The following NAB1 variants were observed in gnomAD, a reference collection of about 807,000 sequenced individuals.
NAB1 encodes NGFI-A binding protein 1.
NAB1 carries 25 observed loss-of-function variants against 49.9 expected under a neutral mutation model. The observed-to-expected ratio is 0.50, with a 90% confidence interval of 0.37 to 0.70. The LOEUF (loss-of-function observed/expected upper bound fraction) is 0.70. Ranked by LOEUF, NAB1 falls within the 30% of genes least tolerant of loss-of-function variation. The probability of loss-of-function intolerance (pLI) is 0.00; values close to 1 mark genes in which losing one functional copy is unlikely to be tolerated. For missense variants in NAB1, 489 were observed against 575.9 expected, an observed-to-expected ratio of 0.85 and a Z score of 1.54; for synonymous variants, 198 against 215.6, an observed-to-expected ratio of 0.92 and a Z score of 0.71.
Position 190,669,135 on chromosome 2 carries a change from A to G in NAB1, c.820-1191A>G, listed in dbSNP as rs920049369. Among the ~76,000 whole-genome samples the G allele has an allele frequency of 2.6e-5, 4 of 152,116 alleles. No homozygotes were observed. The highest frequency in any genetic ancestry group is 4.8e-5 in the African/African-American group (2 of 41,384). On this transcript the variant is annotated intron_variant, in intron 4 of 9. Coordinates refer to ENST00000337386, the MANE Select transcript of NAB1 (RefSeq NM_005966.4). The surrounding 1 kb of genome is among the most constrained non-coding windows in gnomAD (Gnocchi z 4.3). ...AGTATAGACAGTGTAGATACACTGGACAAAGGGATGATTCATCACTTGGAT... is the reference window on the plus strand; with the variant it reads ...AGTATAGACAGTGTAGATACACTGGGCAAAGGGATGATTCATCACTTGGAT...
chr2:190,690,216 C>A, intron 9 of NAB1, 29 bp from the exon 10 acceptor site: 1 of 1,462,146 alleles, frequency 6.8e-7, no homozygotes, highest in South Asian at 1.1e-5. Context: ...ATTAAAATAT[C>A]AACTCACTTT....
chr2:190,659,441 C>T lies in NAB1; in HGVS notation c.265C>T (p.Leu89Phe), dbSNP rs1219781070. Residue 89 changes from leucine (L) to phenylalanine (F), a missense_variant, in exon 4 of 10, where the codon CTT (leucine) becomes TTT (phenylalanine). Leu to Phe is a conservative substitution (Grantham distance 22). Coordinates refer to ENST00000337386, the MANE Select transcript of NAB1 (RefSeq NM_005966.4). This position sits in a 1 kb window ranked among gnomAD's most constrained non-coding sequence, Gnocchi z 6.2. ...GCTTTTCAATCAGCCACTGACTTCC[C>T]TTCCTGTCAGTAGCATACCCATCTA... is the stretch of plus-strand genomic sequence containing the variant. ...PGLFNQPLTS[L>F]PVSSIPIYKL... 5 of 1,614,188 alleles carry T rather than the reference C, an allele frequency of 3.1e-6. No individual in the cohort carries two copies. Among genetic ancestry groups the T allele is most frequent in the Admixed American group, 3.3e-5 (2 of 60,030 alleles).
intron 2 of NAB1, among the ~76,000 whole-genome samples, chr2:190,653,287 TTTCA>T (rs760503431): frequency 6.4e-4 from 98 of 152,324 alleles, no homozygotes; most frequent in African/African-American, 2.2e-3. Context: ...CATCTCAATC[TTTCA>T]TTAATGTGCA....
In NAB1 at chr2:190,663,228, C is replaced by G. The variant is rs541669917; in HGVS notation, c.819+3233C>G. ...GTAAGTTACATTTTTCTAAGAATATCCATTTCATCTGAGTTTTCAAACTTA... is the reference window on the plus strand; with the variant it reads ...GTAAGTTACATTTTTCTAAGAATATGCATTTCATCTGAGTTTTCAAACTTA... On this transcript the variant is annotated intron_variant, in intron 4 of 9. Transcript: ENST00000337386. This position sits in a 1 kb window ranked among gnomAD's most constrained non-coding sequence, Gnocchi z 4.2. 6.6e-6 allele frequency among the ~76,000 whole-genome samples: 1 copy of G among 152,238 alleles called. No individual in the cohort carries two copies. Among genetic ancestry groups the G allele is most frequent in the South Asian group, 2.1e-4 (1 of 4,824 alleles).
chr2:190,659,136 CTT>C lies in NAB1; in HGVS notation c.-19-7_-19-6del, dbSNP rs369860117. 9,268 of 1,152,294 alleles carry C rather than the reference CTT, an allele frequency of 8.0e-3. No homozygotes were observed. The highest frequency in any genetic ancestry group is 0.01 in the South Asian group (607 of 58,104). The allele number at this position is 1,152,294 out of a possible 1,614,324, so 71.4% of individuals were successfully genotyped here. On this transcript the variant is annotated intron_variant, in intron 3 of 9. Transcript: ENST00000337386. This position sits in a 1 kb window ranked among gnomAD's most constrained non-coding sequence, Gnocchi z 6.2. ...TTGAAGCAAGTATGATGAGTTTTTA[CTT>C]TTTTTTTTTTTTTTGGCAGGTTAAA...
At position 190,657,148 on chromosome 2, in the gene NAB1, T is replaced by G. The variant is rs952185695; in HGVS notation, c.-20+995T>G. Reference sequence around the variant, plus strand: ...ACCTCCAACACTTTATAGCAGCCCTTCTATTTGGTATAGTGTAGTTTAATA... The same window carrying G: ...ACCTCCAACACTTTATAGCAGCCCTGCTATTTGGTATAGTGTAGTTTAATA... On this transcript the variant is annotated intron_variant, in intron 3 of 9. Coordinates refer to ENST00000337386, the MANE Select transcript of NAB1 (RefSeq NM_005966.4). The surrounding 1 kb of genome is among the most constrained non-coding windows in gnomAD (Gnocchi z 4.4). Among the ~76,000 whole-genome samples, 1 of 152,200 alleles carries G rather than the reference T, an allele frequency of 6.6e-6. No homozygotes were observed. Among genetic ancestry groups the G allele is most frequent in the African/African-American group, 2.4e-5 (1 of 41,450 alleles).
rs1033304599 is a variant in NAB1, at chr2:190,652,086, C to T, written c.-197+2104C>T. Among the ~76,000 whole-genome samples the T allele has an allele frequency of 4.6e-5, 7 of 152,180 alleles. No individual in the cohort carries two copies. The highest frequency in any genetic ancestry group is 1.0e-4 in the Non-Finnish European group (7 of 68,036). ...ATAACTCATACAACAGTAGAATATACTCCTTAAACTTAATAATGGAGCAAG... is the reference window on the plus strand; with the variant it reads ...ATAACTCATACAACAGTAGAATATATTCCTTAAACTTAATAATGGAGCAAG... On this transcript the variant is annotated intron_variant, in intron 2 of 9. Transcript: ENST00000337386. The surrounding 1 kb of genome is among the most constrained non-coding windows in gnomAD (Gnocchi z 4.2).
In NAB1 at chr2:190,652,571, T is replaced by C. The variant is rs567682050; in HGVS notation, c.-197+2589T>C. 7.9e-5 allele frequency among the ~76,000 whole-genome samples: 12 copies of C among 152,360 alleles called. No homozygotes were observed. The East Asian group carries it at 2.3e-3, about 29-fold the overall frequency. On this transcript the variant is annotated intron_variant, in intron 2 of 9. Transcript: ENST00000337386. The surrounding 1 kb of genome is among the most constrained non-coding windows in gnomAD (Gnocchi z 4.2). ...GGTGTCTCTAAAATTTTTTTCCAGC[T>C]TCATTCATTCCATTCAGAATTTAGA...
Position 190,683,524 on chromosome 2 carries a change from A to G in NAB1, c.1006-214A>G, listed in dbSNP as rs141453433. 3.0e-3 allele frequency among the ~76,000 whole-genome samples: 458 copies of G among 151,810 alleles called. 4 individuals are homozygous for G. Among genetic ancestry groups the G allele is most frequent in the African/African-American group, 0.01 (431 of 41,376 alleles). ...AGTGTAAAACAATAGGAATGATGACATTTTTCATCTTATTTATGTTTCTAC... is the reference window on the plus strand; with the variant it reads ...AGTGTAAAACAATAGGAATGATGACGTTTTTCATCTTATTTATGTTTCTAC... On this transcript the variant is annotated intron_variant, in intron 6 of 9. Coordinates refer to ENST00000337386, the MANE Select transcript of NAB1 (RefSeq NM_005966.4).
chr2:190,651,466 A>G lies in NAB1; in HGVS notation c.-197+1484A>G, dbSNP rs549542520. ...ATGCTTCTTTGAAAGAAGAAATTATAAACTGGGGGACATCTTTGATGAATT... is the reference window on the plus strand; with the variant it reads ...ATGCTTCTTTGAAAGAAGAAATTATGAACTGGGGGACATCTTTGATGAATT... On this transcript the variant is annotated intron_variant, in intron 2 of 9. Coordinates refer to ENST00000337386, the MANE Select transcript of NAB1 (RefSeq NM_005966.4). This position sits in a 1 kb window ranked among gnomAD's most constrained non-coding sequence, Gnocchi z 4.3. 1.5e-3 allele frequency among the ~76,000 whole-genome samples: 222 copies of G among 152,340 alleles called. 1 individual carries two copies. Among genetic ancestry groups the G allele is most frequent in the African/African-American group, 5.1e-3 (210 of 41,572 alleles).
chr2:190,664,110 T>C (rs143696536), intron 4 of NAB1, among the ~76,000 whole-genome samples: 1 of 152,310 alleles, frequency 6.6e-6, no homozygotes, highest in African/African-American at 2.4e-5. Context: ...AACAAGCTTA[T>C]TAATTCTGTC....
chr2:190,680,317 C>T lies in NAB1; in HGVS notation c.1006-3421C>T, dbSNP rs1695271187. Among the ~76,000 whole-genome samples, 1 of 152,220 alleles carries T rather than the reference C, an allele frequency of 6.6e-6. No individual in the cohort carries two copies. The highest frequency in any genetic ancestry group is 1.5e-5 in the Non-Finnish European group (1 of 68,036). On this transcript the variant is annotated intron_variant, in intron 6 of 9. Transcript: ENST00000337386. This position sits in a 1 kb window ranked among gnomAD's most constrained non-coding sequence, Gnocchi z 5.2. ...AATCTGGCCCTGTGTTTCCACCTTCCCTCACCACTCCCTCTTTTTCAGTGT... is the reference window on the plus strand; with the variant it reads ...AATCTGGCCCTGTGTTTCCACCTTCTCTCACCACTCCCTCTTTTTCAGTGT...
At chr2:190,687,056 GT>G (rs1404249850) in intron 8 of NAB1, 144 bp from the exon 9 acceptor site, 5 of 432,596 alleles carry the variant, frequency 1.2e-5, no homozygotes, top group East Asian at 3.8e-5. Context: ...TATTTAAAAT[GT>G]TTTTTCCAAG....
chr2:190,660,714 G>A (rs894162611), intron 4 of NAB1, among the ~76,000 whole-genome samples: 1 of 152,098 alleles, frequency 6.6e-6, no homozygotes, highest in Non-Finnish European at 1.5e-5. Flanking sequence ...CCTTCAAGTA[G>A]AATGACCGTT....
At chr2:190,653,260 T>G (rs564990134) in intron 2 of NAB1, among the ~76,000 whole-genome samples, 1 of 152,220 alleles carries the variant, frequency 6.6e-6, no homozygotes, top group Admixed American at 6.5e-5. Context: ...TTTCCTATTT[T>G]CATTGTCCCC....
At position 190,690,365 on chromosome 2, in the gene NAB1, G is replaced by A. The variant is rs1416291045; in HGVS notation, c.*32G>A. On this transcript the variant is annotated 3_prime_UTR_variant, in exon 10 of 10. Coordinates refer to ENST00000337386, the MANE Select transcript of NAB1 (RefSeq NM_005966.4). The stretch of plus-strand genomic sequence containing the variant: ...TTTCTCTCACCGTTCTCTGGAAATG[G>A]CATCAGATTTAAGGATAATACTCCA... The A allele has an allele frequency of 4.7e-6, 7 of 1,496,024 alleles. No homozygotes were observed. The African/African-American group carries it at 9.7e-5, about 21-fold the overall frequency. 92.7% of individuals were successfully genotyped at this position (1,496,024 alleles called of 1,614,324 possible).
In NAB1 at chr2:190,659,745, C is replaced by T. The variant is rs769154499; in HGVS notation, c.569C>T (p.Ala190Val). ...SPASPKESSE[A>V]LDAAAALSVA... ...GCGTCCCCAAAGGAGAGCAGTGAGG[C>T]GCTGGATGCTGCTGCTGCGCTCTCT... Residue 190 changes from alanine to valine, a missense_variant, in exon 4 of 10, where the codon GCG becomes GTG. Physicochemically the swap from Ala to Val is moderately conservative, Grantham distance 64. Coordinates refer to ENST00000337386, the MANE Select transcript of NAB1 (RefSeq NM_005966.4). This position sits in a 1 kb window ranked among gnomAD's most constrained non-coding sequence, Gnocchi z 6.2. The T allele has an allele frequency of 1.8e-5, 29 of 1,613,926 alleles. No homozygotes were observed. The highest frequency in any genetic ancestry group is 1.6e-4 in the Middle Eastern group (1 of 6,072).
At chr2:190,655,362 G>C (rs893915815) in intron 2 of NAB1, among the ~76,000 whole-genome samples, 2 of 152,122 alleles carry the variant, frequency 1.3e-5, no homozygotes, top group Non-Finnish European at 2.9e-5. Flanking sequence ...GAGGTCATCT[G>C]CCTATAGTGA....
rs1260936548 is a variant in NAB1 at position 190,684,373 on chromosome 2, TTATTCC to T, written c.1095+551_1095+556del. ...ATCTTTTAGAAAGCACTGTAAACTT[TTATTCC>T]TATTGAACAGCTTCTTTGTAATAAG... On this transcript the variant is annotated intron_variant, in intron 7 of 9. Transcript: ENST00000337386. This position sits in a 1 kb window ranked among gnomAD's most constrained non-coding sequence, Gnocchi z 4.6. 6.6e-6 allele frequency among the ~76,000 whole-genome samples: 1 copy of T among 152,222 alleles called. No homozygotes were observed. Among genetic ancestry groups the T allele is most frequent in the Non-Finnish European group, 1.5e-5 (1 of 68,020 alleles).
Sources: allele counts gnomAD v4.1 joint callset (sites outside exome capture counted in the v4.1 genomes callset), GRCh38; gene constraint gnomAD v4.1.1; non-coding constraint Gnocchi (gnomAD v3.1); transcripts MANE v1.5; gene names NCBI Gene and HGNC (gene_info 2026-07-23, HGNC 2026-07-21).